The following KCNT2 variants were observed in gnomAD, a reference collection of about 807,000 sequenced individuals.
KCNT2 encodes potassium sodium-activated channel subfamily T member 2, also known as potassium channel subfamily T member 2.
KCNT2 carries 67 observed loss-of-function variants against 153.8 expected under a neutral mutation model. That is an observed-to-expected ratio of 0.44 (90% CI 0.36 to 0.53). The LOEUF (loss-of-function observed/expected upper bound fraction) is 0.53, where lower values mean the gene tolerates loss of function less well. Ranked by LOEUF, KCNT2 falls within the 20% of genes least tolerant of loss-of-function variation. The pLI is 0.00. For synonymous variants in KCNT2, 500 were observed against 458.8 expected (o/e 1.09, Z -1.15); for missense variants, 975 against 1,354.8 (o/e 0.72, Z 4.40).
At chr1:196,560,918 T>G (rs1288855750) in intron 1 of KCNT2, among the ~76,000 whole-genome samples, 1 of 151,994 alleles carries the variant, frequency 6.6e-6, no homozygotes, top group Non-Finnish European at 1.5e-5. Context: ...GTGTATCACA[T>G]TCCAGTTTAA....
Position 196,541,103 on chromosome 1 carries a change from A to T in KCNT2, c.96-48762T>A, listed in dbSNP as rs540261892. 6.3e-5 allele frequency among the ~76,000 whole-genome samples: 9 copies of T among 143,158 alleles called. No individual in the cohort carries two copies. The East Asian group carries it at 1.9e-3, about 30-fold the overall frequency. The allele number at this position is 143,158 out of a possible 152,430, so 93.9% of individuals were successfully genotyped here. A position where few individuals can be genotyped will look rare whatever the true frequency, so the allele number is the denominator to read the frequency against. On this transcript the variant is annotated intron_variant, in intron 1 of 27. Transcript: ENST00000294725. ...TAAATAAATATATAAATAAATAAAAATCTATTTATATTCGTTCAGTAGGTG... is the reference window on the plus strand; with the variant it reads ...TAAATAAATATATAAATAAATAAAATTCTATTTATATTCGTTCAGTAGGTG...
chr1:196,589,352 A>T (rs1354072326), intron 1 of KCNT2, among the ~76,000 whole-genome samples: 1 of 152,082 alleles, frequency 6.6e-6, no homozygotes, highest in Non-Finnish European at 1.5e-5. Flanking sequence ...TACCAACTTT[A>T]CATTTTTTAA....
chr1:196,288,572 A>C (rs1158586280), intron 22 of KCNT2, among the ~76,000 whole-genome samples: 1 of 152,104 alleles, frequency 6.6e-6, no homozygotes, highest in East Asian at 1.9e-4. Context: ...GTGTTAATGC[A>C]GCAATCCTAG....
At chr1:196,593,311 T>TATACAC (rs1256165838) in intron 1 of KCNT2, among the ~76,000 whole-genome samples, 1,415 of 140,190 alleles carry the variant, frequency 0.01, 16 homozygotes, top group African/African-American at 0.038. Context: ...TATATATATA[T>TATACAC]ACACACACAC....
At chr1:196,548,437 A>C (rs1055703437) in intron 1 of KCNT2, among the ~76,000 whole-genome samples, 1 of 152,106 alleles carries the variant, frequency 6.6e-6, no homozygotes. Context: ...GAGAAATGCA[A>C]ATCAAAACCA....
chr1:196,364,323 T>G (rs1667867548), intron 14 of KCNT2, among the ~76,000 whole-genome samples: 2 of 152,118 alleles, frequency 1.3e-5, no homozygotes, highest in South Asian at 4.1e-4. Flanking sequence ...ACCTAATATT[T>G]CCAAACTTCC....
intron 16 of KCNT2, among the ~76,000 whole-genome samples, chr1:196,339,707 T>G (rs1665423204): frequency 6.6e-6 from 1 of 152,050 alleles, no homozygotes; most frequent in South Asian, 2.1e-4. Flanking sequence ...AAATGACACA[T>G]TTTCCTTGTG....
At chr1:196,555,312 T>C (rs1018129378) in intron 1 of KCNT2, among the ~76,000 whole-genome samples, 5 of 151,406 alleles carry the variant, frequency 3.3e-5, no homozygotes, top group African/African-American at 1.2e-4. Flanking sequence ...AGTCGCAGGA[T>C]ACAAAATCAA....
intron 1 of KCNT2, among the ~76,000 whole-genome samples, chr1:196,591,455 C>T (rs1313626554): frequency 2.6e-5 from 4 of 152,216 alleles, no homozygotes; most frequent in South Asian, 2.1e-4. Flanking sequence ...ATACCACCCC[C>T]GCACCAAAAA....
intron 1 of KCNT2, among the ~76,000 whole-genome samples, chr1:196,600,971 C>T (rs1228210623): frequency 6.6e-6 from 1 of 152,184 alleles, no homozygotes; most frequent in African/African-American, 2.4e-5. Context: ...TGTCAGTGCT[C>T]CAGGCCCATC....
intron 14 of KCNT2, among the ~76,000 whole-genome samples, chr1:196,368,343 T>C (rs1268120608): frequency 2.0e-5 from 3 of 152,094 alleles, no homozygotes; most frequent in African/African-American, 7.2e-5. Context: ...TACTTAAAAT[T>C]TAAACATTAA....
intron 1 of KCNT2, among the ~76,000 whole-genome samples, chr1:196,512,499 A>G (rs1330889672): frequency 6.6e-6 from 1 of 152,160 alleles, no homozygotes; most frequent in African/African-American, 2.4e-5. Context: ...TGTCAAATCT[A>G]TTCTTCTCAT....
chr1:196,585,685 TA>T (rs572231805), intron 1 of KCNT2, among the ~76,000 whole-genome samples: 97 of 152,170 alleles, frequency 6.4e-4, no homozygotes, highest in Admixed American at 1.8e-3. Context: ...TATTTTAGAG[TA>T]TTTTTTTCTT....
intron 25 of KCNT2, among the ~76,000 whole-genome samples, chr1:196,262,615 G>A (rs1274404414): frequency 6.6e-6 from 1 of 151,810 alleles, no homozygotes; most frequent in African/African-American, 2.4e-5. Flanking sequence ...TGAGTTCACT[G>A]AAAGCTTATT....
chr1:196,562,877 AT>A (rs1659607956), intron 1 of KCNT2, among the ~76,000 whole-genome samples: 1 of 152,010 alleles, frequency 6.6e-6, no homozygotes, highest in Non-Finnish European at 1.5e-5. Flanking sequence ...TTTCTTTTCA[AT>A]TTAGCTAAAC....
intron 12 of KCNT2, among the ~76,000 whole-genome samples, chr1:196,401,476 A>AT (rs1309612951): frequency 6.6e-6 from 1 of 151,638 alleles, no homozygotes; most frequent in Non-Finnish European, 1.5e-5. Flanking sequence ...CATGTTTGTA[A>AT]TAAAAAAAAG....
chr1:196,471,532 T>C, intron 5 of KCNT2, among the ~76,000 whole-genome samples: 1 of 152,236 alleles, frequency 6.6e-6, no homozygotes, highest in East Asian at 1.9e-4. Context: ...TCACTTTTCA[T>C]TTTACATTTT....
intron 8 of KCNT2, among the ~76,000 whole-genome samples, chr1:196,458,958 C>G (rs1019949173): frequency 6.6e-6 from 1 of 151,798 alleles, no homozygotes; most frequent in Non-Finnish European, 1.5e-5. Context: ...CAAATCAGCC[C>G]TCAACTTGCA....
chr1:196,597,081 A>G (rs1318859295), intron 1 of KCNT2, among the ~76,000 whole-genome samples: 1 of 152,142 alleles, frequency 6.6e-6, no homozygotes, highest in Non-Finnish European at 1.5e-5. Flanking sequence ...TTAGTCCAAT[A>G]TAGGTGAAGA....
Sources: gnomAD v4.1 joint callset for allele counts (sites outside exome capture counted in the v4.1 genomes callset) on GRCh38, gnomAD v4.1.1 for gene constraint, MANE v1.5 for transcripts, NCBI Gene and HGNC (gene_info 2026-07-23, HGNC 2026-07-21) for gene names.